AFF1: variants seen among roughly 807,000 people sequenced by gnomAD.
AFF1 encodes the protein ALF transcription elongation factor 1, also known as AF4/FMR2 family member 1.
AFF1 carries 48 observed loss-of-function variants against 121.7 expected under a neutral mutation model. The ratio of observed to expected loss-of-function variants is 0.39; its 90% CI spans 0.31 to 0.50. The LOEUF (loss-of-function observed/expected upper bound fraction) is 0.50, where lower values mean the gene tolerates loss of function less well. AFF1 is among the 20% of genes least tolerant of loss of function. The pLI is 0.76. For missense variants in AFF1, 1,523 were observed against 1,511.7 expected, an observed-to-expected ratio of 1.01 and a Z score of -0.12; for synonymous variants, 613 against 563.0, an observed-to-expected ratio of 1.09 and a Z score of -1.26.
chr4:86,938,342 C>G (rs1421385580), intron 1 of AFF1, among the ~76,000 whole-genome samples: 1 of 150,642 alleles, frequency 6.6e-6, no homozygotes, highest in African/African-American at 2.4e-5. Context: ...TACGCTTCCT[C>G]GGGAGGCTAA....
intron 6 of AFF1, among the ~76,000 whole-genome samples, chr4:87,090,653 G>C (rs1426076118): frequency 6.6e-6 from 1 of 152,018 alleles, no homozygotes; most frequent in Non-Finnish European, 1.5e-5. Flanking sequence ...CATGTTCATT[G>C]TTTTATATAC....
intron 1 of AFF1, among the ~76,000 whole-genome samples, chr4:86,947,905 T>C (rs1287823614): frequency 6.6e-6 from 1 of 152,036 alleles, no homozygotes; most frequent in Non-Finnish European, 1.5e-5. Flanking sequence ...TTTTCTTAAG[T>C]GTTGCATTCT....
At chr4:87,074,969 G>A (rs1217919952) in intron 4 of AFF1, among the ~76,000 whole-genome samples, 1 of 152,140 alleles carries the variant, frequency 6.6e-6, no homozygotes, top group East Asian at 1.9e-4. Context: ...GGCCCTCTTT[G>A]TAGAGATCAA....
chr4:87,001,100 C>G (rs1333840674), intron 2 of AFF1, among the ~76,000 whole-genome samples: 1 of 151,644 alleles, frequency 6.6e-6, no homozygotes, highest in Non-Finnish European at 1.5e-5. Context: ...GGACTCTCCT[C>G]CTACAGAGAA....
chr4:87,082,904 A>G (rs1046395829), intron 4 of AFF1, among the ~76,000 whole-genome samples: 7 of 152,226 alleles, frequency 4.6e-5, no homozygotes, highest in Non-Finnish European at 7.3e-5. Context: ...ATTAGAACCA[A>G]GAACAGGAAA....
At chr4:87,117,272 A>T (rs1727222280) in intron 12 of AFF1, among the ~76,000 whole-genome samples, 1 of 152,142 alleles carries the variant, frequency 6.6e-6, no homozygotes, top group African/African-American at 2.4e-5. Flanking sequence ...CAGCTTATTT[A>T]TCTTTCTGTT....
In AFF1 at chr4:87,132,325, A is replaced by G. The variant is rs1728905792; in HGVS notation, c.3228A>G (p.Ile1076Met). ...CGATGTTTCGTTGTAAAAAAGACAT[A>G]GCAATAAAGTATTCTCGTACTCTTA... ...NMAMFRCKKD[I>M]AIKYSRTLNK... is the part of the protein sequence containing the mutation. Residue 1076 changes from isoleucine (I) to methionine (M), a missense_variant, in exon 19 of 21, where the codon ATA (isoleucine) becomes ATG (methionine). Ile to Met is a conservative substitution (Grantham distance 10, BLOSUM62 1). Around this residue, in one of 5 missense-constraint regions of AFF1, gnomAD observed 241 missense variants for 265.2 expected, o/e 0.91. Coordinates refer to ENST00000395146, the MANE Select transcript of AFF1 (RefSeq NM_001166693.3). 1 of 1,613,374 alleles carries G rather than the reference A, an allele frequency of 6.2e-7. No homozygotes were observed. Among genetic ancestry groups the G allele is most frequent in the Non-Finnish European group, 8.5e-7 (1 of 1,179,830 alleles).
At chr4:86,956,465 T>G (rs1274004761) in intron 2 of AFF1, among the ~76,000 whole-genome samples, 1 of 152,200 alleles carries the variant, frequency 6.6e-6, no homozygotes, top group Non-Finnish European at 1.5e-5. Context: ...TTTATTGAGG[T>G]GTAATTTACA....
At chr4:87,013,000 T>C (rs998983583) in intron 2 of AFF1, among the ~76,000 whole-genome samples, 1 of 151,472 alleles carries the variant, frequency 6.6e-6, no homozygotes, top group Non-Finnish European at 1.5e-5. Flanking sequence ...GGCTTTGTTT[T>C]TAATTTAACC....
intron 4 of AFF1, among the ~76,000 whole-genome samples, chr4:87,072,349 C>A (rs1208395907): frequency 3.3e-5 from 4 of 120,592 alleles, no homozygotes; most frequent in Admixed American, 2.0e-4. Flanking sequence ...GGCAACAGAG[C>A]GAGACTCCGT....
At chr4:87,100,929 C>T (rs1578249966) in intron 8 of AFF1, among the ~76,000 whole-genome samples, 1 of 152,110 alleles carries the variant, frequency 6.6e-6, no homozygotes, top group Non-Finnish European at 1.5e-5. Flanking sequence ...TCACTTCGTC[C>T]ATGGAGTTTA....
intron 2 of AFF1, among the ~76,000 whole-genome samples, chr4:86,985,006 TAAG>T (rs1724093621): frequency 6.6e-6 from 1 of 150,928 alleles, no homozygotes; most frequent in Non-Finnish European, 1.5e-5. Flanking sequence ...TTGTACTTGT[TAAG>T]AAACAAATAG....
intron 2 of AFF1, among the ~76,000 whole-genome samples, chr4:86,969,577 T>TTAA (rs34787191): frequency 6.9e-6 from 1 of 145,700 alleles, no homozygotes; most frequent in Non-Finnish European, 1.5e-5. Flanking sequence ...AAATAGTTGT[T>TTAA]AAAAAAAAAA....
intron 2 of AFF1, among the ~76,000 whole-genome samples, chr4:86,950,452 G>A (rs1430536561): frequency 1.3e-5 from 2 of 152,242 alleles, no homozygotes; most frequent in Non-Finnish European, 2.9e-5. Context: ...TTACAGGCGT[G>A]AGCCGCTGTG....
At chr4:87,042,168 C>T (rs529918480) in intron 2 of AFF1, among the ~76,000 whole-genome samples, 3 of 152,256 alleles carry the variant, frequency 2.0e-5, no homozygotes, top group South Asian at 4.2e-4. Flanking sequence ...AAGGTTTACT[C>T]ATGGTATGAA....
chr4:86,948,445 C>T, intron 1 of AFF1, 53 bp from the exon 2 acceptor site: 1 of 1,271,278 alleles, frequency 7.9e-7, no homozygotes, highest in Non-Finnish European at 1.1e-6. Flanking sequence ...ATGCGTATCC[C>T]TGAATTTACT....
At chr4:86,948,009 C>G (rs1720994316) in intron 1 of AFF1, among the ~76,000 whole-genome samples, 1 of 151,892 alleles carries the variant, frequency 6.6e-6, no homozygotes, top group Non-Finnish European at 1.5e-5. Context: ...CTGACACAAC[C>G]TGTGACCTTA....
At chr4:86,972,618 AC>A (rs1723024980) in intron 2 of AFF1, among the ~76,000 whole-genome samples, 2 of 152,096 alleles carry the variant, frequency 1.3e-5, no homozygotes, top group East Asian at 3.9e-4. Context: ...GGTCACTGTA[AC>A]CTCCATCTCC....
intron 2 of AFF1, among the ~76,000 whole-genome samples, chr4:87,013,792 CAA>C (rs1489780727): frequency 1.3e-4 from 19 of 150,670 alleles, no homozygotes; most frequent in African/African-American, 4.4e-4. Flanking sequence ...TGATTAGACA[CAA>C]AAATCACCGT....
Sources: gnomAD v4.1 joint callset for allele counts (sites outside exome capture counted in the v4.1 genomes callset) on GRCh38, gnomAD v4.1.1 for gene constraint, gnomAD v4.1.1 regional missense constraint, MANE v1.5 for transcripts, NCBI Gene and HGNC (gene_info 2026-07-23, HGNC 2026-07-21) for gene names.